Variants in EFR3B observed in about 807,000 individuals in gnomAD.
EFR3B encodes the protein protein EFR3 homolog B.
Under a neutral mutation model 104.7 loss-of-function variants are expected in EFR3B, and 64 were observed. The ratio of observed to expected loss-of-function variants is 0.61; its 90% CI spans 0.50 to 0.75. EFR3B has a LOEUF of 0.75. Ranked by LOEUF, EFR3B falls within the 30% of genes least tolerant of loss-of-function variation. The pLI, the probability that EFR3B is intolerant of heterozygous loss-of-function variation, is 0.00. For missense variants in EFR3B, 750 were observed against 1,078.5 expected (o/e 0.70, Z 4.27); for synonymous variants, 385 against 417.9 (o/e 0.92, Z 0.96).
chr2:25,083,193 C>G (rs1669577955), intron 1 of EFR3B, among the ~76,000 whole-genome samples: 1 of 152,178 alleles, frequency 6.6e-6, no homozygotes, highest in Non-Finnish European at 1.5e-5. Flanking sequence ...CTCCTAGTGA[C>G]AGAAGAGGAT....
intron 1 of EFR3B, among the ~76,000 whole-genome samples, chr2:25,067,960 G>T (rs190162337): frequency 2.1e-4 from 32 of 152,240 alleles, no homozygotes; most frequent in African/African-American, 7.7e-4. Context: ...GATTACAGGT[G>T]TGAGCCACCG....
At chr2:25,066,006 C>A (rs1379093934) in intron 1 of EFR3B, among the ~76,000 whole-genome samples, 1 of 152,218 alleles carries the variant, frequency 6.6e-6, no homozygotes, top group African/African-American at 2.4e-5. Flanking sequence ...CACATGTCAC[C>A]ACTTGGCTAT....
chr2:25,066,620 C>T (rs1329666138), intron 1 of EFR3B, among the ~76,000 whole-genome samples: 1 of 152,226 alleles, frequency 6.6e-6, no homozygotes, highest in Non-Finnish European at 1.5e-5. Context: ...TGAAGGAAGT[C>T]CCAGCACGCT....
Position 25,046,541 on chromosome 2 carries a change from C to T in EFR3B, c.7+4222C>T, listed in dbSNP as rs1352780990. On this transcript the variant is annotated intron_variant, in intron 1 of 22. Coordinates refer to ENST00000403714, the MANE Select transcript of EFR3B (RefSeq NM_014971.2). Reference sequence around the variant, plus strand: ...TTTTTTTGAGACGGAGTCTCGCTGTCGCCCAGGCTGGAGTGCAGTGGCGCG... The same window carrying T: ...TTTTTTTGAGACGGAGTCTCGCTGTTGCCCAGGCTGGAGTGCAGTGGCGCG... Among the ~76,000 whole-genome samples, 16 of 123,744 alleles carry T rather than the reference C, an allele frequency of 1.3e-4. 1 individual carries two copies. Among genetic ancestry groups the T allele is most frequent in the Non-Finnish European group, 2.9e-4 (16 of 55,302 alleles). The allele number at this position is 123,744 out of a possible 152,430, so 81.2% of individuals were successfully genotyped here.
At chr2:25,100,199 C>T (rs545166854) in intron 3 of EFR3B, among the ~76,000 whole-genome samples, 4 of 151,950 alleles carry the variant, frequency 2.6e-5, no homozygotes, top group African/African-American at 7.2e-5. Flanking sequence ...AGCAAAACTC[C>T]GTCTCAAAAA....
intron 1 of EFR3B, chr2:25,080,089 T>C: frequency 1.1e-6 from 1 of 939,324 alleles, no homozygotes; most frequent in Non-Finnish European, 1.8e-6. Context: ...AACAGGTATT[T>C]CAATTTCCAC....
chr2:25,048,419 C>T (rs915301077), intron 1 of EFR3B, among the ~76,000 whole-genome samples: 11 of 152,104 alleles, frequency 7.2e-5, no homozygotes, highest in South Asian at 2.1e-4. Flanking sequence ...GTCTACATAA[C>T]GGTGCACTGA....
In EFR3B at chr2:25,042,791, GC is replaced by G; in HGVS notation, c.7+474del. On this transcript the variant is annotated intron_variant, in intron 1 of 22. Transcript: ENST00000403714. This position sits in a 1 kb window ranked among gnomAD's most constrained non-coding sequence, Gnocchi z 5.4. ...CGGCGGCGCAGAGGCCCGGGGAGCA[GC>G]CAGTGGCCGAGTCTCGTCTCGCCCG... The G allele has an allele frequency of 1.4e-6, 1 of 704,212 alleles. No homozygotes were observed. Among genetic ancestry groups the G allele is most frequent in the Non-Finnish European group, 1.7e-6 (1 of 572,508 alleles). 43.6% of individuals were successfully genotyped at this position (704,212 alleles called of 1,614,324 possible).
Position 25,141,451 on chromosome 2 carries a change from G to A in EFR3B, c.1922+18G>A. 6.4e-7 allele frequency: 1 copy of A among 1,550,640 alleles called. No individual in the cohort carries two copies. Among genetic ancestry groups the A allele is most frequent in the Non-Finnish European group, 8.7e-7 (1 of 1,146,564 alleles). ...AGGCCCAGGTGAGGAGAGGACGGGG[G>A]ACGTGGTCAGGGATCCCCAGGGCAG... On this transcript the variant is annotated intron_variant, in intron 17 of 22. Transcript: ENST00000403714.
intron 4 of EFR3B, among the ~76,000 whole-genome samples, chr2:25,119,399 G>A (rs188604346): frequency 5.3e-5 from 8 of 152,336 alleles, no homozygotes; most frequent in Admixed American, 4.6e-4. Context: ...TGCTGCCGGT[G>A]GCTAAGGGCA....
chr2:25,128,042 G>C lies in EFR3B; in HGVS notation c.486-141G>C, dbSNP rs946258079. 18 of 914,706 alleles carry C rather than the reference G, an allele frequency of 2.0e-5. No homozygotes were observed. In the African/African-American group the frequency reaches 3.0e-4, roughly 15 times the overall value. The allele number at this position is 914,706 out of a possible 1,614,324, so 56.7% of individuals were successfully genotyped here. On this transcript the variant is annotated intron_variant, in intron 5 of 22. Coordinates refer to ENST00000403714, the MANE Select transcript of EFR3B (RefSeq NM_014971.2). Reference sequence around the variant, plus strand: ...CTGCCAGCACCAGGAGGTCTCATGAGAGTAGCAGCTGGTCTCCATTCTGCC... The same window carrying C: ...CTGCCAGCACCAGGAGGTCTCATGACAGTAGCAGCTGGTCTCCATTCTGCC...
At chr2:25,078,977 C>T (rs1206667092) in intron 1 of EFR3B, among the ~76,000 whole-genome samples, 4 of 152,136 alleles carry the variant, frequency 2.6e-5, no homozygotes, top group Non-Finnish European at 5.9e-5. Context: ...GCTCTGCTTC[C>T]GACCTCCCAA....
In EFR3B at chr2:25,154,285, A is replaced by G. The variant is rs1400294744; in HGVS notation, c.2399A>G (p.Gln800Arg). 6 of 1,551,900 alleles carry G rather than the reference A, an allele frequency of 3.9e-6. No homozygotes were observed. In the African/African-American group the frequency reaches 8.2e-5, roughly 21 times the overall value. ...ATCACTGCAGCCTACGGTCAGCCGC[A>G]GAACCACTCCATCCCCGTCTATGAA... ...GTITAAYGQPQNHSIPVYEMK... is the reference protein window; with the variant it reads ...GTITAAYGQPRNHSIPVYEMK... The change falls in exon 23 of 23, where the codon CAG (glutamine) becomes CGG (arginine). Residue 800 changes from glutamine (Q) to arginine (R), a missense_variant. Transcript: ENST00000403714. The surrounding 1 kb of genome is among the most constrained non-coding windows in gnomAD (Gnocchi z 4.1).
chr2:25,110,013 C>T (rs1161199333), intron 4 of EFR3B, among the ~76,000 whole-genome samples: 1 of 152,106 alleles, frequency 6.6e-6, no homozygotes, highest in African/African-American at 2.4e-5. Context: ...GGGCGGCTCC[C>T]CTGTGGCAGG....
In EFR3B at chr2:25,059,582, G is replaced by T. The variant is rs1043593287; in HGVS notation, c.7+17263G>T. On this transcript the variant is annotated intron_variant, in intron 1 of 22. Coordinates refer to ENST00000403714, the MANE Select transcript of EFR3B (RefSeq NM_014971.2). ...GGTTACCAGGGACTGCGGGGGGGGG[G>T]GGGGTGGAGATTGGGGAATTGTTGT... Among the ~76,000 whole-genome samples, 45 of 139,706 alleles carry T rather than the reference G, an allele frequency of 3.2e-4. 2 individuals carry two copies. The highest frequency in any genetic ancestry group is 8.1e-4 in the Admixed American group (11 of 13,570). The allele number at this position is 139,706 out of a possible 152,430, so 91.7% of individuals were successfully genotyped here.
At position 25,091,404 on chromosome 2, in the gene EFR3B, G is replaced by A; in HGVS notation, c.84+3G>A. The stretch of plus-strand genomic sequence containing the variant: ...ACATCTTCCCTGAGGATCCCGAGGT[G>A]GGTCATGTCTCTGGCAGGCATCGTG... On this transcript the variant is annotated splice_donor_region_variant and intron_variant, in intron 2 of 22. Coordinates refer to ENST00000403714, the MANE Select transcript of EFR3B (RefSeq NM_014971.2). The A allele has an allele frequency of 1.9e-6, 3 of 1,548,454 alleles. No homozygotes were observed. Among genetic ancestry groups the A allele is most frequent in the African/African-American group, 2.7e-5 (2 of 72,988 alleles).
rs367550949 is a variant in EFR3B at position 25,132,973 on chromosome 2, G to C, written c.1218G>C (p.Pro406=). The change falls in exon 11 of 23, where the codon CCG becomes CCC. Residue 406 remains proline (P), a synonymous_variant. Coordinates refer to ENST00000403714, the MANE Select transcript of EFR3B (RefSeq NM_014971.2). ...TCCTCTTCATCATGAGCAAGGTCCC[G>C]CGGCCATCCCTGCACCAGGCGGTGG... ...EVILFIMSKV[P]RPSLHQAVDT... is the part of the protein sequence containing the mutation. The C allele has an allele frequency of 3.9e-6, 6 of 1,551,486 alleles. No homozygotes were observed. The African/African-American group carries it at 6.8e-5, about 18-fold the overall frequency.
intron 16 of EFR3B, among the ~76,000 whole-genome samples, chr2:25,139,473 A>G (rs1646348853): frequency 6.7e-6 from 1 of 149,760 alleles, no homozygotes; most frequent in Non-Finnish European, 1.5e-5. Flanking sequence ...TCCCCTACTC[A>G]CGGGAGCACA....
At chr2:25,145,094 T>C (rs1164700408) in intron 19 of EFR3B, 43 bp downstream of exon 19, 33 of 1,528,258 alleles carry the variant, frequency 2.2e-5, no homozygotes, top group Non-Finnish European at 2.9e-5. Flanking sequence ...CCACCTCCTG[T>C]AGATTGGACG....
Sources: allele counts gnomAD v4.1 joint callset (sites outside exome capture counted in the v4.1 genomes callset), GRCh38; gene constraint gnomAD v4.1.1; non-coding constraint Gnocchi (gnomAD v3.1); transcripts MANE v1.5; gene names NCBI Gene and HGNC (gene_info 2026-07-23, HGNC 2026-07-21).